ENPP2: variants seen among roughly 807,000 people sequenced by gnomAD.
The protein encoded by ENPP2 is ectonucleotide pyrophosphatase/phosphodiesterase 2.
In ENPP2, 51 loss-of-function variants were observed where a neutral mutation model predicts 120.2. The ratio of observed to expected loss-of-function variants is 0.42; its 90% CI spans 0.34 to 0.54. ENPP2 has a LOEUF of 0.54. Ranked by LOEUF, ENPP2 falls within the 20% of genes least tolerant of loss-of-function variation. The probability of loss-of-function intolerance (pLI) is 0.04; values close to 1 mark genes in which losing one functional copy is unlikely to be tolerated. For synonymous variants in ENPP2, 365 were observed against 366.4 expected, an observed-to-expected ratio of 1.00 and a Z score of 0.04; for missense variants, 920 against 1,066.5, an observed-to-expected ratio of 0.86 and a Z score of 1.91.
chr8:119,603,251 C>G (rs183534797), intron 9 of ENPP2, among the ~76,000 whole-genome samples: 2 of 151,832 alleles, frequency 1.3e-5, no homozygotes, highest in African/African-American at 2.4e-5. Context: ...AATGCCAGAG[C>G]CTTTTCATTA....
intron 12 of ENPP2, 30 bp downstream of exon 12, chr8:119,593,722 C>A (rs1813695707): frequency 7.9e-7 from 1 of 1,271,988 alleles, no homozygotes; most frequent in South Asian, 1.2e-5. Context: ...ATCCATCTAT[C>A]CTATTAGCAA....
chr8:119,618,740 G>A (rs990229176), intron 5 of ENPP2, among the ~76,000 whole-genome samples: 11 of 151,468 alleles, frequency 7.3e-5, no homozygotes, highest in Non-Finnish European at 1.5e-4. Context: ...TCACCATGTT[G>A]GCCAGGCTGG....
Position 119,602,488 on chromosome 8 carries a change from A to G in ENPP2, c.834-1026T>C, listed in dbSNP as rs572705433. On this transcript the variant is annotated intron_variant, in intron 9 of 24. Transcript: ENST00000075322. ...AAAAAAAAAAAAAGAATAGGCACAT[A>G]TAATTAAGAGACTGACAAAAAGGGT... Among the ~76,000 whole-genome samples the G allele has an allele frequency of 3.9e-5, 6 of 152,120 alleles. No individual in the cohort carries two copies. In the East Asian group the frequency reaches 9.6e-4, roughly 24 times the overall value.
In ENPP2 at chr8:119,601,466, GAGGGTAAA is replaced by G; in HGVS notation, c.834-12_834-5del. The G allele has an allele frequency of 6.2e-7, 1 of 1,611,704 alleles. No individual in the cohort carries two copies. The highest frequency in any genetic ancestry group is 1.7e-5 in the Admixed American group (1 of 59,946). On this transcript the variant is annotated splice_polypyrimidine_tract_variant and splice_region_variant and intron_variant, in intron 9 of 24. Coordinates refer to ENST00000075322, the MANE Select transcript of ENPP2 (RefSeq NM_001040092.3). ...TCTCCGCTCGTGAGGGATGACACTG[GAGGGTAAA>G]AGCAAGCAAAGCATGTTGTTAGGTT...
In ENPP2 at chr8:119,638,503, C is replaced by A. The variant is rs775542252; in HGVS notation, c.58G>T (p.Val20Phe). The change falls in exon 2 of 25, where the codon GTT becomes TTT. Residue 20 changes from valine (V) to phenylalanine (F), a missense_variant. Transcript: ENST00000075322. ...AATCCTAAGCAGATATTGACTCCAA[C>A]GGCAAAAGTGAACAGGGATATTATC... is the stretch of plus-strand genomic sequence containing the variant. ...CQIISLFTFA[V>F]GVNICLGFTA... 2.4e-5 allele frequency: 38 copies of A among 1,603,592 alleles called. No individual in the cohort carries two copies. Among genetic ancestry groups the A allele is most frequent in the Non-Finnish European group, 3.1e-5 (36 of 1,170,398 alleles).
intron 1 of ENPP2, among the ~76,000 whole-genome samples, chr8:119,659,213 A>C (rs1346108446): frequency 6.6e-6 from 1 of 151,444 alleles, no homozygotes; most frequent in Non-Finnish European, 1.5e-5. Context: ...GCTACTCAGG[A>C]GGCTGAGATA....
chr8:119,620,844 C>T (rs1457538175), intron 4 of ENPP2, among the ~76,000 whole-genome samples: 2 of 152,202 alleles, frequency 1.3e-5, no homozygotes, highest in Non-Finnish European at 2.9e-5. Context: ...CAAGTACCCC[C>T]ATCCCTGGGC....
intron 9 of ENPP2, among the ~76,000 whole-genome samples, chr8:119,604,544 T>C (rs1424684701): frequency 6.6e-6 from 1 of 151,052 alleles, no homozygotes; most frequent in Non-Finnish European, 1.5e-5. Flanking sequence ...CCACCACTGA[T>C]TGATGCAGAA....
rs1217498689 is a variant in ENPP2, at chr8:119,644,625, TACAC to T, written c.22-6102_22-6099del. Among the ~76,000 whole-genome samples the T allele has an allele frequency of 2.4e-3, 175 of 74,254 alleles. 2 individuals are homozygous for T. Among genetic ancestry groups the T allele is most frequent in the African/African-American group, 4.1e-3 (83 of 20,236 alleles). 48.7% of individuals were successfully genotyped at this position (74,254 alleles called of 152,430 possible). The stretch of plus-strand genomic sequence containing the variant: ...ATATATATATATATATATATATATA[TACAC>T]ACACACACACACACACACATATAGA... On this transcript the variant is annotated intron_variant, in intron 1 of 25. Transcript: ENST00000427067.
intron 11 of ENPP2, among the ~76,000 whole-genome samples, chr8:119,594,685 T>C (rs1365446174): frequency 6.6e-6 from 1 of 152,328 alleles, no homozygotes; most frequent in East Asian, 1.9e-4. Flanking sequence ...CTTTCATCTT[T>C]AGCTGTGCAA....
intron 1 of ENPP2, among the ~76,000 whole-genome samples, chr8:119,649,209 C>T (rs374173167): frequency 6.1e-5 from 9 of 146,772 alleles, no homozygotes; most frequent in African/African-American, 2.3e-4. Context: ...CTGGCTAACA[C>T]GGTGAAACCC....
At chr8:119,612,858 C>G (rs936467409) in intron 8 of ENPP2, among the ~76,000 whole-genome samples, 1 of 152,138 alleles carries the variant, frequency 6.6e-6, no homozygotes, top group African/African-American at 2.4e-5. Context: ...CCACTGCACT[C>G]CAGCCTGGGC....
At position 119,586,171 on chromosome 8, in the gene ENPP2, C is replaced by A. The variant is rs748771773; in HGVS notation, c.1367+15G>T. 4.3e-6 allele frequency: 7 copies of A among 1,612,862 alleles called. No individual in the cohort carries two copies. Among genetic ancestry groups the A allele is most frequent in the Non-Finnish European group, 5.9e-6 (7 of 1,179,402 alleles). On this transcript the variant is annotated intron_variant, in intron 15 of 24. Coordinates refer to ENST00000075322, the MANE Select transcript of ENPP2 (RefSeq NM_001040092.3). ...TGTGGAAATGAGAAACAGAAATAGC[C>A]CATATACCAGTTACCTTGCAACATG...
At chr8:119,608,565 C>A (rs375614024) in intron 8 of ENPP2, among the ~76,000 whole-genome samples, 10 of 152,186 alleles carry the variant, frequency 6.6e-5, no homozygotes, top group African/African-American at 2.4e-4. Flanking sequence ...GTGAACCAAG[C>A]ATTTCATCAA....
In ENPP2 at chr8:119,564,932, C is replaced by T. The variant is rs746921100; in HGVS notation, c.2155G>A (p.Val719Ile). 3 of 1,613,248 alleles carry T rather than the reference C, an allele frequency of 1.9e-6. No homozygotes were observed. Among genetic ancestry groups the T allele is most frequent in the African/African-American group, 1.3e-5 (1 of 74,982 alleles). Residue 719 changes from valine (V) to isoleucine (I), a missense_variant, in exon 23 of 25, where the codon GTA (valine) becomes ATA (isoleucine). Coordinates refer to ENST00000075322, the MANE Select transcript of ENPP2 (RefSeq NM_001040092.3). ...FKRVWNYFQR[V>I]LVKKYASERN... ...TCCGAAGCATATTTCTTCACCAATACCCTTTGGAAATAATTCCAGACCCCT... is the reference window on the plus strand; with the variant it reads ...TCCGAAGCATATTTCTTCACCAATATCCTTTGGAAATAATTCCAGACCCCT...
chr8:119,621,857 T>G (rs1275940356), intron 3 of ENPP2, among the ~76,000 whole-genome samples: 2 of 152,192 alleles, frequency 1.3e-5, no homozygotes, highest in African/African-American at 4.8e-5. Context: ...GGCTATCTAC[T>G]GTTGTAGGGA....
At chr8:119,576,784 A>G (rs147516026) in intron 19 of ENPP2, among the ~76,000 whole-genome samples, 6 of 152,254 alleles carry the variant, frequency 3.9e-5, no homozygotes, top group African/African-American at 1.4e-4. Flanking sequence ...CGGCCAAGAC[A>G]TTAGGTATAT....
chr8:119,601,383 A>G lies in ENPP2; in HGVS notation c.899+14T>C, dbSNP rs759630406. The G allele has an allele frequency of 1.9e-6, 3 of 1,545,182 alleles. No individual in the cohort carries two copies. Among genetic ancestry groups the G allele is most frequent in the Non-Finnish European group, 2.7e-6 (3 of 1,117,452 alleles). ...GAAATGTACTGAAGAAAGAAGAAAGAGAGAAATAAATACCTCTCATGATCT... is the reference window on the plus strand; with the variant it reads ...GAAATGTACTGAAGAAAGAAGAAAGGGAGAAATAAATACCTCTCATGATCT... On this transcript the variant is annotated intron_variant, in intron 10 of 24. Transcript: ENST00000075322.
At chr8:119,571,208 C>G (rs991399249) in intron 19 of ENPP2, 3 of 157,844 alleles carry the variant, frequency 1.9e-5, no homozygotes, top group Non-Finnish European at 1.4e-5. Flanking sequence ...ATTATTTTGA[C>G]CCCTGAAGAG....
Sources: allele counts gnomAD v4.1 joint callset (sites outside exome capture counted in the v4.1 genomes callset), GRCh38; gene constraint gnomAD v4.1.1; transcripts MANE v1.5; gene names NCBI Gene and HGNC (gene_info 2026-07-23, HGNC 2026-07-21).